DZIP1L: variants seen among roughly 807,000 people sequenced by gnomAD.
DZIP1L encodes cilium assembly protein DZIP1L.
In DZIP1L, 90 loss-of-function variants were observed where a neutral mutation model predicts 88.7. The ratio of observed to expected loss-of-function variants is 1.02; its 90% CI spans 0.86 to 1.21. The LOEUF (loss-of-function observed/expected upper bound fraction) is 1.21. Ranked by LOEUF, DZIP1L falls within the 50% of genes most tolerant of loss-of-function variation. The pLI is 0.00. For missense variants in DZIP1L, 932 were observed against 955.8 expected (o/e 0.98, Z 0.33); for synonymous variants, 363 against 372.1 (o/e 0.98, Z 0.28).
Position 138,071,791 on chromosome 3 carries a change from G to C in DZIP1L, c.1467C>G (p.Ser489=), listed in dbSNP as rs1456847205. 6.2e-7 allele frequency: 1 copy of C among 1,614,116 alleles called. No individual in the cohort carries two copies. The highest frequency in any genetic ancestry group is 1.1e-5 in the South Asian group (1 of 91,072). ...ISIQTLRHLE[S]LLRVQREQKA... ...TCTGCTCCCGCTGGACTCTCAGCAGGGATTCCAGGTGTCTGAGAGTCTGAA... is the reference window on the plus strand; with the variant it reads ...TCTGCTCCCGCTGGACTCTCAGCAGCGATTCCAGGTGTCTGAGAGTCTGAA... Residue 489 remains serine (S), a synonymous_variant, in exon 12 of 16, where the codon TCC becomes TCG. Transcript: ENST00000327532.
chr3:138,082,379 C>T lies in DZIP1L; in HGVS notation c.1204-615G>A, dbSNP rs573855411. ...GGACTGGTAATGAATGATGTCAAAG[C>T]TGCTGGCAGCCAATTGTTTGTGGTT... On this transcript the variant is annotated intron_variant, in intron 8 of 15. Coordinates refer to ENST00000327532, the MANE Select transcript of DZIP1L (RefSeq NM_173543.3). Among the ~76,000 whole-genome samples, 57 of 152,344 alleles carry T rather than the reference C, an allele frequency of 3.7e-4. 1 individual carries two copies. The highest frequency in any genetic ancestry group is 1.3e-3 in the African/African-American group (53 of 41,574).
In DZIP1L at chr3:138,063,063, C is replaced by A. The variant is rs575448818; in HGVS notation, c.2143-86G>T. ...CTAAGCACATTGCAGGATGGGAATGCAGAATGGAAATGGGGACAAATGCAG... is the reference window on the plus strand; with the variant it reads ...CTAAGCACATTGCAGGATGGGAATGAAGAATGGAAATGGGGACAAATGCAG... On this transcript the variant is annotated intron_variant, in intron 15 of 15. Transcript: ENST00000327532. The surrounding 1 kb of genome is among the most constrained non-coding windows in gnomAD (Gnocchi z 4.1). 3 of 1,480,070 alleles carry A rather than the reference C, an allele frequency of 2.0e-6. No homozygotes were observed. Among genetic ancestry groups the A allele is most frequent in the South Asian group, 2.4e-5 (2 of 82,476 alleles). The allele number at this position is 1,480,070 out of a possible 1,614,324, so 91.7% of individuals were successfully genotyped here. A position where few individuals can be genotyped will look rare whatever the true frequency, so the allele number is the denominator to read the frequency against.
chr3:138,114,521 G>A (rs1215913665), intron 1 of DZIP1L, among the ~76,000 whole-genome samples: 1 of 152,174 alleles, frequency 6.6e-6, no homozygotes, highest in African/African-American at 2.4e-5. Context: ...ATCCGGGAGG[G>A]GGAGGAGAGG....
chr3:138,068,052 C>G, intron 13 of DZIP1L, 99 bp downstream of exon 13: 2 of 1,097,850 alleles, frequency 1.8e-6, no homozygotes, highest in Non-Finnish European at 2.4e-6. Context: ...GTCTGCCCCC[C>G]TCCTATCTGC....
Position 138,071,685 on chromosome 3 carries a change from C to T in DZIP1L, c.1573G>A (p.Glu525Lys), listed in dbSNP as rs1266014866. 9.9e-6 allele frequency: 16 copies of T among 1,614,078 alleles called. No homozygotes were observed. In the Admixed American group the frequency reaches 1.3e-4, roughly 13 times the overall value. Reference protein sequence around the residue: ...EVTSRAKERQENGAVVSQPDG... With the variant: ...EVTSRAKERQKNGAVVSQPDG... The stretch of plus-strand genomic sequence containing the variant: ...GGCTGGGACACCACAGCGCCATTCT[C>T]CTGTCTCTCCTTCGCTCTGCTGGTG... Residue 525 changes from glutamate to lysine, a missense_variant, in exon 12 of 16, where the codon GAG (glutamate) becomes AAG (lysine). By Grantham distance (56) the Glu-to-Lys change is moderately conservative (BLOSUM62 1). Transcript: ENST00000327532.
Position 138,084,221 on chromosome 3 carries a change from G to A in DZIP1L, c.1095C>T (p.Ser365=), listed in dbSNP as rs1283488536. The change falls in exon 8 of 16, where the codon TCC becomes TCT. Residue 365 remains serine, a synonymous_variant. Transcript: ENST00000327532. ...LQEENQRLQA[S]LSQDQKKAAA... is the part of the protein sequence containing the mutation. ...CTGCCTTCTTCTGATCCTGAGACAG[G>A]GAGGCCTGGAGCCTCTGGTTCTCCT... 6 of 1,614,120 alleles carry A rather than the reference G, an allele frequency of 3.7e-6. No individual in the cohort carries two copies. The South Asian group carries it at 5.5e-5, about 15-fold the overall frequency.
chr3:138,086,970 C>T lies in DZIP1L; in HGVS notation c.1053G>A (p.Glu351=). ...ACCCAACAAAAGCTACCTCTTTCTT[C>T]TCAGCCATGTGCTCTTCATGCAGTT... ...VKELHEEHMA[E]KKELQEENQR... The change falls in exon 7 of 16, where the codon GAG becomes GAA. Residue 351 remains glutamate, a synonymous_variant. Coordinates refer to ENST00000327532, the MANE Select transcript of DZIP1L (RefSeq NM_173543.3). The T allele has an allele frequency of 6.2e-7, 1 of 1,614,010 alleles. No individual in the cohort carries two copies. Among genetic ancestry groups the T allele is most frequent in the South Asian group, 1.1e-5 (1 of 91,034 alleles).
intron 5 of DZIP1L, among the ~76,000 whole-genome samples, chr3:138,091,699 AG>A (rs36104680): frequency 2.2e-5 from 3 of 135,294 alleles, no homozygotes; most frequent in Non-Finnish European, 3.2e-5. Context: ...AAGGAAGGAG[AG>A]GGAGAGAGAA....
chr3:138,062,211 C>G lies in DZIP1L; in HGVS notation c.*605G>C, dbSNP rs1942740517. The G allele has an allele frequency of 6.6e-6, 1 of 152,404 alleles. No homozygotes were observed. Among genetic ancestry groups the G allele is most frequent in the Non-Finnish European group, 1.5e-5 (1 of 68,090 alleles). 9.4% of individuals were successfully genotyped at this position (152,404 alleles called of 1,614,324 possible). On this transcript the variant is annotated 3_prime_UTR_variant, in exon 16 of 16. Transcript: ENST00000327532. ...ACAACCCTGGGAAACTCTCCAGGAT[C>G]ACCCAGGCTGGGATAGATGGCCTCT... is the stretch of plus-strand genomic sequence containing the variant.
At chr3:138,070,307 T>C (rs1049146839) in intron 12 of DZIP1L, among the ~76,000 whole-genome samples, 4 of 152,204 alleles carry the variant, frequency 2.6e-5, no homozygotes, top group African/African-American at 9.6e-5. Context: ...TTTGACTGAA[T>C]GAGCAAAAGG....
intron 2 of DZIP1L, chr3:138,101,476 G>C (rs1408256065): frequency 1.3e-6 from 1 of 771,690 alleles, no homozygotes; most frequent in Non-Finnish European, 2.3e-6. Context: ...TGCCACAGCT[G>C]TTCACTTGGG....
At chr3:138,110,244 T>C (rs2042596020) in intron 1 of DZIP1L, among the ~76,000 whole-genome samples, 1 of 151,986 alleles carries the variant, frequency 6.6e-6, no homozygotes, top group Non-Finnish European at 1.5e-5. Context: ...AGGTGGGAAT[T>C]GAACAATGAG....
intron 1 of DZIP1L, among the ~76,000 whole-genome samples, chr3:138,112,114 C>T (rs1239870367): frequency 2.0e-5 from 3 of 151,810 alleles, no homozygotes. Flanking sequence ...AGGCACTGTG[C>T]CTGCCTTTAA....
chr3:138,076,049 T>C (rs1223546415), intron 11 of DZIP1L, among the ~76,000 whole-genome samples: 1 of 151,992 alleles, frequency 6.6e-6, no homozygotes, highest in African/African-American at 2.4e-5. Flanking sequence ...AAGGAGACAA[T>C]GGATCAGGAC....
At chr3:138,081,850 G>A (rs1472904783) in intron 8 of DZIP1L, 86 bp from the exon 9 acceptor site, 2 of 1,430,418 alleles carry the variant, frequency 1.4e-6, no homozygotes, top group African/African-American at 2.8e-5. Flanking sequence ...CTAGCACAGT[G>A]AGGAAGGGAT....
At chr3:138,112,143 C>G (rs930854865) in intron 1 of DZIP1L, among the ~76,000 whole-genome samples, 12 of 152,086 alleles carry the variant, frequency 7.9e-5, no homozygotes, top group African/African-American at 2.9e-4. Flanking sequence ...ATTCTAAACT[C>G]ATATAGCCTT....
intron 11 of DZIP1L, among the ~76,000 whole-genome samples, chr3:138,074,286 A>C (rs1368709103): frequency 6.6e-6 from 1 of 152,238 alleles, no homozygotes; most frequent in African/African-American, 2.4e-5. Context: ...GATGAAGGAA[A>C]GAATCATAAG....
In DZIP1L at chr3:138,080,620, C is replaced by T. The variant is rs1943604003; in HGVS notation, c.1235G>A (p.Gly412Glu). Residue 412 changes from glycine to glutamate, a missense_variant and splice_region_variant, in exon 10 of 16, where the codon GGG becomes GAG. Transcript: ENST00000327532. ...CACAGCCTTTGGCACCTTGTGGATC[C>T]CTGAAGAGAGGAGGAACAGTTAGTG... is the stretch of plus-strand genomic sequence containing the variant. Reference protein sequence around the residue: ...IQSLSLRKVEGIHKVPKAVDT... With the variant: ...IQSLSLRKVEEIHKVPKAVDT... 1.2e-6 allele frequency: 2 copies of T among 1,613,012 alleles called. No individual in the cohort carries two copies. The highest frequency in any genetic ancestry group is 1.7e-6 in the Non-Finnish European group (2 of 1,179,580).
At chr3:138,088,861 T>C (rs142994386) in intron 5 of DZIP1L, 2 of 991,990 alleles carry the variant, frequency 2.0e-6, no homozygotes, top group Non-Finnish European at 1.2e-6. Flanking sequence ...TCTTAGAGCC[T>C]ATGGGAGGGT....
Sources: allele counts gnomAD v4.1 joint callset (sites outside exome capture counted in the v4.1 genomes callset), GRCh38; gene constraint gnomAD v4.1.1; non-coding constraint Gnocchi (gnomAD v3.1); transcripts MANE v1.5; gene names NCBI Gene and HGNC (gene_info 2026-07-23, HGNC 2026-07-21).